DHRS4L2: variants seen among roughly 807,000 people sequenced by gnomAD.
The protein encoded by DHRS4L2 is dehydrogenase/reductase SDR family member 4-like 2.
DHRS4L2 carries 22 observed loss-of-function variants against 23.9 expected under a neutral mutation model. That is an observed-to-expected ratio of 0.92 (90% CI 0.66 to 1.31). DHRS4L2 has a LOEUF of 1.31. Ranked by LOEUF, DHRS4L2 falls within the 40% of genes most tolerant of loss-of-function variation. The pLI is 0.00. For synonymous variants in DHRS4L2, 141 were observed against 123.7 expected (o/e 1.14, Z -0.93); for missense variants, 385 against 303.3 (o/e 1.27, Z -2.00).
rs142348998 is a variant in DHRS4L2 at position 23,990,333 on chromosome 14, G to A, written c.280G>A (p.Glu94Lys). ...CACTGTGTGCCATGTGGGGAAGGCG[G>A]AGGACCGGGAGCGGCTGGTGGCCAT... Reference protein sequence around the residue: ...TGTVCHVGKAEDRERLVAMAV... With the variant: ...TGTVCHVGKAKDRERLVAMAV... Residue 94 changes from glutamate to lysine, a missense_variant, in exon 2 of 8, where the codon GAG (glutamate) becomes AAG (lysine). Transcript: ENST00000335125. The A allele has an allele frequency of 5.4e-3, 8,659 of 1,611,710 alleles. 238 individuals carry two copies. Among genetic ancestry groups the A allele is most frequent in the Non-Finnish European group, 6.6e-3 (7,730 of 1,178,866 alleles).
At chr14:23,984,522 C>T (rs532723946), upstream of DHRS4L2, among the ~76,000 whole-genome samples, 123 of 151,622 alleles carry the variant, frequency 8.1e-4, 2 homozygotes, top group African/African-American at 2.6e-3. Context: ...CCCGACCGGG[C>T]GCAGTGGCTC....
At chr14:23,987,372 G>A (rs377522913), upstream of DHRS4L2, 23 of 196,072 alleles carry the variant, frequency 1.2e-4, 1 homozygote, top group Middle Eastern at 2.2e-3. Flanking sequence ...CCCGTGATCC[G>A]CCCGCCTCGG....
In DHRS4L2 at chr14:24,004,278, A is replaced by G. The variant is rs1421167007; in HGVS notation, c.666-59A>G. 4.6e-6 allele frequency: 7 copies of G among 1,520,006 alleles called. 1 individual carries two copies. The African/African-American group carries it at 7.7e-5, about 17-fold the overall frequency. The allele number at this position is 1,520,006 out of a possible 1,614,324, so 94.2% of individuals were successfully genotyped here. ...AGCAAGACTCCGTCTCTAAAAAAAAAAAAAAAAAAAGAAAGGAAAAGAAAA... is the reference window on the plus strand; with the variant it reads ...AGCAAGACTCCGTCTCTAAAAAAAAGAAAAAAAAAAGAAAGGAAAAGAAAA... On this transcript the variant is annotated intron_variant, in intron 6 of 7. Transcript: ENST00000335125.
At chr14:23,972,789 TA>T (rs1244667246) in intron 1 of DHRS4L2, among the ~76,000 whole-genome samples, 3 of 152,044 alleles carry the variant, frequency 2.0e-5, no homozygotes, top group South Asian at 4.2e-4. Context: ...AAAAGGAATG[TA>T]GTAGGAGGGC....
chr14:23,970,927 A>C (rs56079821), intron 1 of DHRS4L2, among the ~76,000 whole-genome samples: 2 of 152,114 alleles, frequency 1.3e-5, no homozygotes, highest in Non-Finnish European at 2.9e-5. Flanking sequence ...AATAGCATCA[A>C]CATCAGCAAA....
intron 1 of DHRS4L2, 43 bp from the exon 2 acceptor site, chr14:23,990,139 C>T: frequency 6.2e-7 from 1 of 1,605,668 alleles, no homozygotes; most frequent in Non-Finnish European, 8.5e-7. Flanking sequence ...CGACCTCTTC[C>T]CCTGCACAGG....
intron 1 of DHRS4L2, among the ~76,000 whole-genome samples, chr14:23,989,925 C>T (rs1400741325): frequency 6.6e-6 from 1 of 151,796 alleles, no homozygotes; most frequent in Non-Finnish European, 1.5e-5. Context: ...TGAAGCCTGT[C>T]ACCCGTGGTG....
intron 2 of DHRS4L2, among the ~76,000 whole-genome samples, chr14:23,994,463 G>A (rs1195694537): frequency 2.0e-5 from 3 of 151,732 alleles, no homozygotes; most frequent in Non-Finnish European, 4.4e-5. Flanking sequence ...CAAGGCAGGT[G>A]GATGGCTTGA....
chr14:23,982,914 A>C (rs913528048), intron 1 of DHRS4L2, among the ~76,000 whole-genome samples: 3 of 151,688 alleles, frequency 2.0e-5, no homozygotes, highest in Non-Finnish European at 4.4e-5. Context: ...TATAAGACCT[A>C]AAACCATAAA....
chr14:23,996,120 G>C (rs2034377424), intron 3 of DHRS4L2, among the ~76,000 whole-genome samples: 1 of 151,572 alleles, frequency 6.6e-6, no homozygotes, highest in Admixed American at 6.6e-5. Context: ...AACTAGTTCT[G>C]GCATGAAATA....
At chr14:23,972,399 G>C (rs1037360654) in intron 1 of DHRS4L2, among the ~76,000 whole-genome samples, 1 of 152,048 alleles carries the variant, frequency 6.6e-6, no homozygotes, top group African/African-American at 2.4e-5. Context: ...CCTCCTGGTG[G>C]GTTCGTGGCC....
upstream of DHRS4L2, among the ~76,000 whole-genome samples, chr14:23,988,490 T>G (rs1027910197): frequency 2.0e-5 from 3 of 150,440 alleles, no homozygotes; most frequent in South Asian, 6.5e-4. Flanking sequence ...CTCACCTCCA[T>G]GGGCAGTCTC....
At chr14:23,981,585 A>C (rs2034054041) in intron 1 of DHRS4L2, among the ~76,000 whole-genome samples, 1 of 151,728 alleles carries the variant, frequency 6.6e-6, no homozygotes, top group Admixed American at 6.6e-5. Flanking sequence ...GACAAAGTAT[A>C]GAGAAAGAAA....
At chr14:23,986,957 G>C (rs1292246260), upstream of DHRS4L2, among the ~76,000 whole-genome samples, 12 of 151,686 alleles carry the variant, frequency 7.9e-5, no homozygotes, top group Non-Finnish European at 1.6e-4. Context: ...AGTCAGCTTT[G>C]CCTGGACATG....
chr14:23,981,009 G>A (rs2034041584), intron 1 of DHRS4L2, among the ~76,000 whole-genome samples: 1 of 151,760 alleles, frequency 6.6e-6, no homozygotes, highest in African/African-American at 2.4e-5. Context: ...AAAAGAGGAA[G>A]TCAAATTGTC....
In DHRS4L2 at chr14:23,990,344, G is replaced by T; in HGVS notation, c.291G>T (p.Glu97Asp). 3 of 1,611,048 alleles carry T rather than the reference G, an allele frequency of 1.9e-6. No homozygotes were observed. Among genetic ancestry groups the T allele is most frequent in the Non-Finnish European group, 2.5e-6 (3 of 1,178,618 alleles). The change falls in exon 2 of 8, where the codon GAG (glutamate) becomes GAT (aspartate). Residue 97 changes from glutamate to aspartate, a missense_variant. Physicochemically the swap from Glu to Asp is conservative, Grantham distance 45 (BLOSUM62 2). Transcript: ENST00000335125. ...ATGTGGGGAAGGCGGAGGACCGGGAGCGGCTGGTGGCCATGGTGAGCTGCA... is the reference window on the plus strand; with the variant it reads ...ATGTGGGGAAGGCGGAGGACCGGGATCGGCTGGTGGCCATGGTGAGCTGCA... ...VCHVGKAEDR[E>D]RLVAMAVKLH...
At chr14:23,970,551 AC>A (rs2033833859) in intron 1 of DHRS4L2, among the ~76,000 whole-genome samples, 1 of 150,738 alleles carries the variant, frequency 6.6e-6, no homozygotes, top group African/African-American at 2.5e-5. Context: ...GCATATCTGA[AC>A]AAAAGGCAGC....
In DHRS4L2 at chr14:24,001,533, T is replaced by C. The variant is rs1411649308; in HGVS notation, c.665+16T>C. The C allele has an allele frequency of 6.2e-7, 1 of 1,600,934 alleles. No homozygotes were observed. The highest frequency in any genetic ancestry group is 2.3e-5 in the East Asian group (1 of 44,086). ...CAGCAGGATGGTGAGGAAGGGGAGC[T>C]TTGCATTTGACTGGGACCCCTTGAA... On this transcript the variant is annotated intron_variant, in intron 6 of 7. Transcript: ENST00000335125.
intron 1 of DHRS4L2, among the ~76,000 whole-genome samples, chr14:23,970,902 T>C (rs2033842836): frequency 6.6e-6 from 1 of 152,098 alleles, no homozygotes; most frequent in Admixed American, 6.5e-5. Flanking sequence ...GAAGGAAAAC[T>C]AACAAACAGA....
Sources: allele counts gnomAD v4.1 joint callset (sites outside exome capture counted in the v4.1 genomes callset), GRCh38; gene constraint gnomAD v4.1.1; transcripts MANE v1.5; gene names NCBI Gene and HGNC (gene_info 2026-07-23, HGNC 2026-07-21).